Variants in THOP1 observed in about 807,000 individuals in gnomAD.
The protein encoded by THOP1 is thimet oligopeptidase 1.
In THOP1, 49 loss-of-function variants were observed where a neutral mutation model predicts 71.8. That is an observed-to-expected ratio of 0.68 (90% CI 0.54 to 0.87). The LOEUF is 0.87. Among genes scored for constraint, THOP1 ranks in the 40% least tolerant of loss-of-function variants. The pLI is 0.00. For synonymous variants in THOP1, 426 were observed against 421.5 expected, an observed-to-expected ratio of 1.01 and a Z score of -0.13; for missense variants, 843 against 975.6, an observed-to-expected ratio of 0.86 and a Z score of 1.81.
intron 7 of THOP1, 138 bp downstream of exon 7, chr19:2,807,190 C>G: frequency 1.5e-6 from 2 of 1,306,294 alleles, no homozygotes; most frequent in East Asian, 2.6e-5. Context: ...CCCTGGCTCC[C>G]TCACTCCCCC....
rs371563784 is a variant in THOP1, at chr19:2,808,414, T to C, written c.1425T>C (p.Phe475=). 1.9e-6 allele frequency: 3 copies of C among 1,609,128 alleles called. No homozygotes were observed. The highest frequency in any genetic ancestry group is 2.7e-5 in the African/African-American group (2 of 74,856). Residue 475 remains phenylalanine, a synonymous_variant, in exon 9 of 13, where the codon TTT becomes TTC. Transcript: ENST00000307741. ...HDEVETYFHE[F]GHVMHQLCSQ... Reference sequence around the variant, plus strand: ...AGGTGGAGACCTACTTCCATGAGTTTGGCCACGTGATGCACCAGCTCTGCT... The same window carrying C: ...AGGTGGAGACCTACTTCCATGAGTTCGGCCACGTGATGCACCAGCTCTGCT...
chr19:2,803,318 G>A (rs1916203184), intron 5 of THOP1, among the ~76,000 whole-genome samples: 1 of 152,214 alleles, frequency 6.6e-6, no homozygotes, highest in Non-Finnish European at 1.5e-5. Context: ...AAATCCACAA[G>A]TGCAGCGGGG....
At chr19:2,790,192 A>G (rs1599518314) in intron 1 of THOP1, among the ~76,000 whole-genome samples, 1 of 152,174 alleles carries the variant, frequency 6.6e-6, no homozygotes, top group Non-Finnish European at 1.5e-5. Context: ...TGCAACCGCG[A>G]CAGCCACATG....
chr19:2,803,335 G>A (rs189821252), intron 5 of THOP1, among the ~76,000 whole-genome samples: 31 of 152,290 alleles, frequency 2.0e-4, no homozygotes, highest in African/African-American at 4.1e-4. Flanking sequence ...GGGGCATGCC[G>A]GCACACACCT....
At chr19:2,796,918 G>A (rs1046770639) in intron 4 of THOP1, among the ~76,000 whole-genome samples, 1 of 152,198 alleles carries the variant, frequency 6.6e-6, no homozygotes, top group Non-Finnish European at 1.5e-5. Context: ...ACATGAGTTA[G>A]TTGGTGCAGA....
Position 2,794,877 on chromosome 19 carries a change from A to AG in THOP1, c.346dup (p.Glu116GlyfsTer120). ...TGAGTTCGACGTGGAGATGAGCATGAGGGAGGACGTGTACCAGAGGATCGT... is the reference window on the plus strand; with the variant it reads ...TGAGTTCGACGTGGAGATGAGCATGAGGGGAGGACGTGTACCAGAGGATCGT... On this transcript the variant is annotated frameshift_variant, in exon 3 of 13. Coordinates refer to ENST00000307741, the MANE Select transcript of THOP1 (RefSeq NM_003249.5). LOFTEE classifies it high-confidence loss of function. The AG allele has an allele frequency of 8.1e-6, 13 of 1,613,824 alleles. No homozygotes were observed. Among genetic ancestry groups the AG allele is most frequent in the Non-Finnish European group, 1.1e-5 (13 of 1,179,810 alleles).
chr19:2,805,289 C>G lies in THOP1; in HGVS notation c.750+113C>G, dbSNP rs1357470400. ...CTTTGCACTTGGATGGCCTCCCAAT[C>G]TCCCTGGCCAGGCCCAGTGGCCAGC... On this transcript the variant is annotated intron_variant, in intron 6 of 12. Transcript: ENST00000307741. The surrounding 1 kb of genome is among the most constrained non-coding windows in gnomAD (Gnocchi z 6.6). 5.4e-6 allele frequency: 7 copies of G among 1,303,386 alleles called. No homozygotes were observed. Among genetic ancestry groups the G allele is most frequent in the South Asian group, 1.5e-5 (1 of 65,572 alleles). The allele number at this position is 1,303,386 out of a possible 1,614,324, so 80.7% of individuals were successfully genotyped here. A position where few individuals can be genotyped will look rare whatever the true frequency, so the allele number is the denominator to read the frequency against.
rs1168967671 is a variant in THOP1 at position 2,801,624 on chromosome 19, C to T, written c.589+1833C>T. Among the ~76,000 whole-genome samples the T allele has an allele frequency of 6.6e-6, 1 of 152,138 alleles. No homozygotes were observed. The highest frequency in any genetic ancestry group is 1.5e-5 in the Non-Finnish European group (1 of 68,006). On this transcript the variant is annotated intron_variant, in intron 5 of 12. Coordinates refer to ENST00000307741, the MANE Select transcript of THOP1 (RefSeq NM_003249.5). The surrounding 1 kb of genome is among the most constrained non-coding windows in gnomAD (Gnocchi z 5.1). ...CTTTTCTTCTGCTTACAACAGAAAA[C>T]CTAAGGCCATGTAGTTTATAAGAAA...
At chr19:2,796,660 C>T (rs1916021986) in intron 4 of THOP1, among the ~76,000 whole-genome samples, 1 of 149,664 alleles carries the variant, frequency 6.7e-6, no homozygotes, top group Non-Finnish European at 1.5e-5. Flanking sequence ...GAGTGCTGGG[C>T]TCAGGGAGTA....
intron 2 of THOP1, among the ~76,000 whole-genome samples, chr19:2,792,544 T>C (rs1487323135): frequency 1.3e-5 from 2 of 151,210 alleles, no homozygotes; most frequent in Non-Finnish European, 2.9e-5. Context: ...GGGACATTTC[T>C]GTTGACCCAG....
At chr19:2,800,721 C>T (rs1599525607) in intron 5 of THOP1, among the ~76,000 whole-genome samples, 1 of 152,248 alleles carries the variant, frequency 6.6e-6, no homozygotes, top group African/African-American at 2.4e-5. Flanking sequence ...GCACATCCTA[C>T]CCTCAGCTTC....
At chr19:2,797,350 C>T (rs1469026555) in intron 4 of THOP1, among the ~76,000 whole-genome samples, 1 of 152,174 alleles carries the variant, frequency 6.6e-6, no homozygotes, top group Non-Finnish European at 1.5e-5. Context: ...CGAGGGCCAG[C>T]AAGGCACCCA....
intron 3 of THOP1, among the ~76,000 whole-genome samples, chr19:2,795,243 AGCCAC>A (rs1915986461): frequency 6.6e-6 from 1 of 152,192 alleles, no homozygotes; most frequent in African/African-American, 2.4e-5. Context: ...CACAGGCCTG[AGCCAC>A]CACGCCCGGC....
Position 2,807,827 on chromosome 19 carries a change from GGCGGGGGGCGCACC to G in THOP1, c.1253+20_1253+33del. 1 of 1,450,258 alleles carries G rather than the reference GGCGGGGGGCGCACC, an allele frequency of 6.9e-7. No homozygotes were observed. The highest frequency in any genetic ancestry group is 1.4e-5 in the South Asian group (1 of 69,624). The allele number at this position is 1,450,258 out of a possible 1,614,324, so 89.8% of individuals were successfully genotyped here. ...ACCCGCGGTGGGTGAGGGCAGCGGG[GGCGGGGGGCGCACC>G]CCGGCCCTGGGTCTCCTCGGAGCCC... is the stretch of plus-strand genomic sequence containing the variant. On this transcript the variant is annotated intron_variant, in intron 8 of 12. Transcript: ENST00000307741.
chr19:2,803,092 C>T (rs1019169289), intron 5 of THOP1, among the ~76,000 whole-genome samples: 2 of 152,200 alleles, frequency 1.3e-5, no homozygotes, highest in African/African-American at 2.4e-5. Flanking sequence ...CATGTGATGT[C>T]GCAGGCTCGT....
At position 2,794,819 on chromosome 19, in the gene THOP1, G is replaced by T. The variant is rs377289341; in HGVS notation, c.285G>T (p.Arg95=). 1.9e-6 allele frequency: 3 copies of T among 1,613,824 alleles called. No individual in the cohort carries two copies. Among genetic ancestry groups the T allele is most frequent in the Non-Finnish European group, 2.5e-6 (3 of 1,179,954 alleles). ...PQHVSPSKDI[R]TASTEADKKL... ...ATGTTTCCCCCTCCAAGGACATCCG[G>T]ACAGCCAGCACAGAGGCCGACAAGA... The change falls in exon 3 of 13, where the codon CGG becomes CGT. Residue 95 remains arginine (R), a synonymous_variant. Transcript: ENST00000307741.
chr19:2,789,404 G>T (rs534010202), intron 1 of THOP1, among the ~76,000 whole-genome samples: 15 of 152,320 alleles, frequency 9.8e-5, no homozygotes, highest in African/African-American at 3.6e-4. Flanking sequence ...TGCCATTCTT[G>T]TTTTCAGGCT....
rs1481721196 is a variant in THOP1 at position 2,798,860 on chromosome 19, CTGTCATG to C, written c.487-819_487-813del. Among the ~76,000 whole-genome samples, 6 of 152,386 alleles carry C rather than the reference CTGTCATG, an allele frequency of 3.9e-5. No individual in the cohort carries two copies. In the East Asian group the frequency reaches 7.7e-4, roughly 20 times the overall value. On this transcript the variant is annotated intron_variant, in intron 4 of 12. Coordinates refer to ENST00000307741, the MANE Select transcript of THOP1 (RefSeq NM_003249.5). Reference sequence around the variant, plus strand: ...GTCAAAGTACAGCCCTGCTGCCAGCCTGTCATGTGTCATGTGGCCTCAAGCCAGGTCC... The same window carrying C: ...GTCAAAGTACAGCCCTGCTGCCAGCCTGTCATGTGGCCTCAAGCCAGGTCC...
intron 1 of THOP1, among the ~76,000 whole-genome samples, chr19:2,786,444 C>T (rs546431149): frequency 1.3e-5 from 2 of 152,088 alleles, no homozygotes; most frequent in East Asian, 3.9e-4. Context: ...CGCCATGTTG[C>T]CCAGGCTGGT....
Sources: allele counts gnomAD v4.1 joint callset (sites outside exome capture counted in the v4.1 genomes callset), GRCh38; gene constraint gnomAD v4.1.1; non-coding constraint Gnocchi (gnomAD v3.1); transcripts MANE v1.5; gene names NCBI Gene and HGNC (gene_info 2026-07-23, HGNC 2026-07-21).